Variants in UPF2 observed in about 807,000 individuals in gnomAD.
UPF2 encodes the protein regulator of nonsense transcripts 2.
In UPF2, 17 loss-of-function variants were observed where a neutral mutation model predicts 141.4. The observed-to-expected ratio is 0.12, with a 90% CI of 0.08 to 0.18. UPF2 has a LOEUF of 0.18. Ranked by LOEUF, UPF2 falls within the 10% of genes least tolerant of loss-of-function variation. UPF2 has a pLI of 1.00. For synonymous variants in UPF2, 540 were observed against 498.0 expected, an observed-to-expected ratio of 1.08 and a Z score of -1.12; for missense variants, 1,152 against 1,515.9, an observed-to-expected ratio of 0.76 and a Z score of 3.99.
rs1305296726 is a variant in UPF2 at position 11,956,987 on chromosome 10, ATTTTTATAT to A, written c.2371-473_2371-465del. Among the ~76,000 whole-genome samples the A allele has an allele frequency of 6.6e-6, 1 of 152,118 alleles. No homozygotes were observed. Among genetic ancestry groups the A allele is most frequent in the Non-Finnish European group, 1.5e-5 (1 of 68,014 alleles). Reference sequence around the variant, plus strand: ...AGGCATGCAATAGCATGCCTGGCTAATTTTTATATTTTTTGTAGAGGCGAGATCTTCCTA... The same window carrying A: ...AGGCATGCAATAGCATGCCTGGCTAATTTTTGTAGAGGCGAGATCTTCCTA... On this transcript the variant is annotated intron_variant, in intron 12 of 21. Transcript: ENST00000357604. The surrounding 1 kb of genome is among the most constrained non-coding windows in gnomAD (Gnocchi z 4.2).
intron 5 of UPF2, 22 bp downstream of exon 5, chr10:12,004,508 A>G (rs764034323): frequency 4.4e-6 from 7 of 1,577,496 alleles, no homozygotes; most frequent in Non-Finnish European, 5.2e-6. Context: ...CTTAATGTAA[A>G]TATTTTTTCT....
At chr10:11,977,201 C>T (rs61412976) in intron 9 of UPF2, among the ~76,000 whole-genome samples, 2,053 of 152,182 alleles carry the variant, frequency 0.013, 45 homozygotes, top group African/African-American at 0.047. Flanking sequence ...GAAATAGTTG[C>T]AGCGGGGGGA....
At chr10:11,938,853 G>GTTTGTTTTT (rs1832889677) in intron 18 of UPF2, among the ~76,000 whole-genome samples, 2 of 79,832 alleles carry the variant, frequency 2.5e-5, no homozygotes, top group East Asian at 7.1e-4. Flanking sequence ...TTTTTTTTTT[G>GTTTGTTTTT]TTTTTTTTTT....
At chr10:12,040,677 A>G (rs1040784400) in intron 1 of UPF2, among the ~76,000 whole-genome samples, 2 of 152,200 alleles carry the variant, frequency 1.3e-5, no homozygotes, top group Non-Finnish European at 2.9e-5. Flanking sequence ...ATGGGCTTGG[A>G]AGTCGGACTG....
At chr10:11,964,544 C>T (rs2131201921) in intron 10 of UPF2, among the ~76,000 whole-genome samples, 1 of 152,236 alleles carries the variant, frequency 6.6e-6, no homozygotes, top group East Asian at 1.9e-4. Flanking sequence ...ATTTACCCTC[C>T]TAATCATTTA....
At position 12,021,387 on chromosome 10, in the gene UPF2, A is replaced by T. The variant is rs945397158; in HGVS notation, c.1146-7203T>A. ...TCTACAAAAAAAAAAAAATTTTTTT[A>T]AATTAGCCAGGTGTGGTGGTGCATA... On this transcript the variant is annotated intron_variant, in intron 3 of 21. Transcript: ENST00000357604. 1.9e-4 allele frequency among the ~76,000 whole-genome samples: 24 copies of T among 129,502 alleles called. No homozygotes were observed. The South Asian group carries it at 2.7e-3, about 14-fold the overall frequency. The allele number at this position is 129,502 out of a possible 152,430, so 85.0% of individuals were successfully genotyped here. A position where few individuals can be genotyped will look rare whatever the true frequency, so the allele number is the denominator to read the frequency against.
intron 8 of UPF2, among the ~76,000 whole-genome samples, chr10:11,981,106 T>C (rs1237051407): frequency 2.0e-5 from 3 of 152,056 alleles, no homozygotes; most frequent in African/African-American, 7.2e-5. Context: ...GAGGTTGCAG[T>C]GAGCCAAGTC....
chr10:12,004,950 A>AT (rs1485658870), intron 4 of UPF2, among the ~76,000 whole-genome samples: 1 of 152,130 alleles, frequency 6.6e-6, no homozygotes, highest in Non-Finnish European at 1.5e-5. Flanking sequence ...CAACATAAAG[A>AT]TTTTTTTCTC....
intron 9 of UPF2, among the ~76,000 whole-genome samples, chr10:11,968,780 A>T (rs550842827): frequency 6.6e-6 from 1 of 152,348 alleles, no homozygotes; most frequent in South Asian, 2.1e-4. Flanking sequence ...TTCCATTTTC[A>T]TCGGAAAACC....
intron 16 of UPF2, 118 bp downstream of exon 16, chr10:11,948,247 CAAAA>C (rs139062017): frequency 0.018 from 8,212 of 468,016 alleles, no homozygotes; most frequent in South Asian, 0.032. Context: ...GACTCTGTCT[CAAAA>C]AAAAAAAAAA....
intron 7 of UPF2, 140 bp from the exon 8 acceptor site, chr10:11,997,897 A>G: frequency 1.3e-6 from 1 of 790,038 alleles, no homozygotes; most frequent in Non-Finnish European, 2.0e-6. Context: ...AGTATCAGGA[A>G]AGTTTTCTGA....
At chr10:11,964,507 C>T (rs776736902) in intron 10 of UPF2, among the ~76,000 whole-genome samples, 2 of 152,192 alleles carry the variant, frequency 1.3e-5, no homozygotes, top group African/African-American at 2.4e-5. Context: ...GAATTATAGA[C>T]ACAACCTATC....
intron 4 of UPF2, 31 bp from the exon 5 acceptor site, chr10:12,004,758 A>T (rs760264226): frequency 1.3e-6 from 2 of 1,596,804 alleles, no homozygotes; most frequent in Non-Finnish European, 1.7e-6. Flanking sequence ...AGTAATTAAC[A>T]TAACTTGAGG....
At chr10:11,932,634 T>G (rs776253049) in intron 19 of UPF2, among the ~76,000 whole-genome samples, 29 of 152,196 alleles carry the variant, frequency 1.9e-4, no homozygotes, top group Non-Finnish European at 4.0e-4. Flanking sequence ...CACCTTTGCC[T>G]ACTGCCTTTA....
At position 11,940,351 on chromosome 10, in the gene UPF2, TCC is replaced by T. The variant is rs1832921520; in HGVS notation, c.3378+2312_3378+2313del. ...AATGTTAAGGTTCTTCAGGGCTCAA[TCC>T]TGACCCTGCTTCTCTTCTCTGTCCA... On this transcript the variant is annotated intron_variant, in intron 18 of 21. Transcript: ENST00000357604. This position sits in a 1 kb window ranked among gnomAD's most constrained non-coding sequence, Gnocchi z 4.2. Among the ~76,000 whole-genome samples the T allele has an allele frequency of 6.6e-6, 1 of 152,190 alleles. No homozygotes were observed. Among genetic ancestry groups the T allele is most frequent in the Admixed American group, 6.5e-5 (1 of 15,274 alleles).
In UPF2 at chr10:11,937,380, A is replaced by G. The variant is rs553262352; in HGVS notation, c.3379-668T>C. On this transcript the variant is annotated intron_variant, in intron 18 of 21. Transcript: ENST00000357604. ...TAAGACAGATACAGAAACAATGATG[A>G]TGATACATCATAGGTGTACAGCACC... Among the ~76,000 whole-genome samples the G allele has an allele frequency of 5.9e-5, 9 of 152,338 alleles. No homozygotes were observed. In the South Asian group the frequency reaches 1.2e-3, roughly 21 times the overall value.
intron 14 of UPF2, among the ~76,000 whole-genome samples, chr10:11,954,541 G>A (rs1195104918): frequency 6.6e-6 from 1 of 151,136 alleles, no homozygotes; most frequent in Non-Finnish European, 1.5e-5. Flanking sequence ...GGCTGAGGCA[G>A]GAGAATTGCT....
intron 16 of UPF2, among the ~76,000 whole-genome samples, chr10:11,945,482 C>G (rs1378472736): frequency 6.6e-6 from 1 of 152,114 alleles, no homozygotes; most frequent in African/African-American, 2.4e-5. Flanking sequence ...GTGAACTATT[C>G]CAACCTAATT....
At chr10:11,975,853 G>A (rs1397019888) in intron 9 of UPF2, among the ~76,000 whole-genome samples, 2 of 152,196 alleles carry the variant, frequency 1.3e-5, no homozygotes, top group African/African-American at 4.8e-5. Context: ...TCAAATGGCT[G>A]TCCATCATTT....
Sources: allele counts gnomAD v4.1 joint callset (sites outside exome capture counted in the v4.1 genomes callset), GRCh38; gene constraint gnomAD v4.1.1; non-coding constraint Gnocchi (gnomAD v3.1); transcripts MANE v1.5; gene names NCBI Gene and HGNC (gene_info 2026-07-23, HGNC 2026-07-21).